ZC3H12B: variants seen among roughly 807,000 people sequenced by gnomAD.
The protein encoded by ZC3H12B is zinc finger CCCH-type containing 12B.
A neutral mutation model predicts 43.9 loss-of-function variants in ZC3H12B; 7 were observed. The observed-to-expected ratio is 0.16, with a 90% CI of 0.09 to 0.30. ZC3H12B has a LOEUF of 0.30. Ranked by LOEUF, ZC3H12B falls within the 10% of genes least tolerant of loss-of-function variation. The pLI is 1.00. For synonymous variants in ZC3H12B, 222 were observed against 241.7 expected, an observed-to-expected ratio of 0.92 and a Z score of 0.76; for missense variants, 475 against 670.2, an observed-to-expected ratio of 0.71 and a Z score of 3.22.
chrX:65,342,815 G>A, the ZC3H12B span, among the ~76,000 whole-genome samples: 3 of 101,555 alleles, frequency 3.0e-5, no homozygotes, highest in Non-Finnish European at 5.9e-5. Flanking sequence ...CAAAATCAGA[G>A]CTGAATTGCA....
At chrX:65,436,955 G>A (rs1196044788) in intron 3 of ZC3H12B, among the ~76,000 whole-genome samples, 2 of 109,112 alleles carry the variant, frequency 1.8e-5, no homozygotes, top group Non-Finnish European at 3.8e-5. Context: ...TATTATTATT[G>A]TTATTATTAT....
the ZC3H12B span, among the ~76,000 whole-genome samples, chrX:65,300,118 T>C: frequency 4.5e-5 from 5 of 112,077 alleles, no homozygotes; most frequent in African/African-American, 9.7e-5. Flanking sequence ...AGATGAACTT[T>C]GTAACAATTT....
At chrX:65,336,983 A>G in the ZC3H12B span, among the ~76,000 whole-genome samples, 1 of 112,402 alleles carries the variant, frequency 8.9e-6, no homozygotes, top group African/African-American at 3.2e-5. Context: ...CTTTACTGAG[A>G]AGGGGGGCCT....
At chrX:65,337,959 A>C in the ZC3H12B span, among the ~76,000 whole-genome samples, 1 of 111,878 alleles carries the variant, frequency 8.9e-6, no homozygotes, top group African/African-American at 3.3e-5. Flanking sequence ...CAGATGAATC[A>C]GTCTTGTTTT....
At chrX:65,384,286 G>T (rs1479968934) in intron 2 of ZC3H12B, among the ~76,000 whole-genome samples, 2 of 107,421 alleles carry the variant, frequency 1.9e-5, no homozygotes, top group African/African-American at 3.4e-5. Flanking sequence ...ACCAAACACC[G>T]CATATTCTCA....
intron 3 of ZC3H12B, among the ~76,000 whole-genome samples, chrX:65,450,878 C>CATATGTGTATATATGTATATATAT (rs1569413339): frequency 2.6e-4 from 21 of 82,012 alleles, no homozygotes; most frequent in Non-Finnish European, 4.0e-4. Context: ...TATATATATA[C>CATATGTGTATATATGTATATATAT]ATATGTGTAT....
chrX:65,385,311 C>G (rs1219713150), intron 2 of ZC3H12B, among the ~76,000 whole-genome samples: 3 of 111,539 alleles, frequency 2.7e-5, no homozygotes, highest in Non-Finnish European at 5.6e-5. Flanking sequence ...TGTTTGTGTC[C>G]TCTTTTATTT....
chrX:65,305,326 C>T, the ZC3H12B span, among the ~76,000 whole-genome samples: 2 of 110,123 alleles, frequency 1.8e-5, no homozygotes, highest in East Asian at 5.6e-4. Flanking sequence ...CAATCTGCAA[C>T]ATTTAAAAAA....
chrX:65,378,686 TCTGAGGTAC>T (rs1181057943), intron 2 of ZC3H12B, among the ~76,000 whole-genome samples: 5 of 112,201 alleles, frequency 4.5e-5, no homozygotes, highest in African/African-American at 1.6e-4. Context: ...TGCATCTCCA[TCTGAGGTAC>T]CAGGTTCATC....
the ZC3H12B span, among the ~76,000 whole-genome samples, chrX:65,347,289 C>T: frequency 9.0e-6 from 1 of 111,387 alleles, no homozygotes; most frequent in Non-Finnish European, 1.9e-5. Context: ...CCGAAGGTCA[C>T]CAACATCAGA....
the ZC3H12B span, among the ~76,000 whole-genome samples, chrX:65,124,820 T>A: frequency 4.5e-5 from 5 of 111,276 alleles, no homozygotes; most frequent in African/African-American, 1.3e-4. Context: ...TTCTGTTGTA[T>A]CAGTTTTAAT....
the ZC3H12B span, among the ~76,000 whole-genome samples, chrX:65,167,224 G>C: frequency 1.8e-5 from 2 of 111,746 alleles, no homozygotes; most frequent in East Asian, 5.6e-4. Context: ...TTTGTATAAG[G>C]TGTAAGGAAG....
At chrX:65,164,645 C>T in the ZC3H12B span, among the ~76,000 whole-genome samples, 2 of 111,729 alleles carry the variant, frequency 1.8e-5, no homozygotes, top group Non-Finnish European at 3.8e-5. Context: ...GAGCAAGGAC[C>T]GCTTATAAGG....
the ZC3H12B span, among the ~76,000 whole-genome samples, chrX:65,055,883 T>A: frequency 2.7e-5 from 3 of 112,193 alleles, no homozygotes; most frequent in East Asian, 8.3e-4. Flanking sequence ...ATAGAGGTGT[T>A]CATAGTATTC....
At chrX:65,284,310 C>G in the ZC3H12B span, among the ~76,000 whole-genome samples, 2 of 102,712 alleles carry the variant, frequency 1.9e-5, no homozygotes, top group African/African-American at 3.6e-5. Flanking sequence ...AGAAATGTAA[C>G]AATTCTCCAG....
chrX:65,060,233 G>T, the ZC3H12B span, among the ~76,000 whole-genome samples: 3 of 112,051 alleles, frequency 2.7e-5, no homozygotes, highest in Non-Finnish European at 5.6e-5. Context: ...TTCCAGCTAG[G>T]AATTTCAGTA....
chrX:65,223,781 T>C, the ZC3H12B span, among the ~76,000 whole-genome samples: 1 of 112,019 alleles, frequency 8.9e-6, no homozygotes, highest in South Asian at 3.7e-4. Context: ...ACCATCCTAT[T>C]CCTTCAAGAT....
chrX:65,125,962 T>C, the ZC3H12B span, among the ~76,000 whole-genome samples: 1 of 110,779 alleles, frequency 9.0e-6, no homozygotes, highest in Admixed American at 9.6e-5. Context: ...TTAGGCCGTT[T>C]ACTTTCAAAG....
At chrX:65,383,448 C>T (rs368387269) in intron 2 of ZC3H12B, among the ~76,000 whole-genome samples, 5 of 111,376 alleles carry the variant, frequency 4.5e-5, no homozygotes, top group Admixed American at 9.6e-5. Context: ...ATACAAAAAT[C>T]AATTCAAGAT....
Sources: gnomAD v4.1 joint callset for allele counts (sites outside exome capture counted in the v4.1 genomes callset) on GRCh38, gnomAD v4.1.1 for gene constraint, MANE v1.5 for transcripts, NCBI Gene and HGNC (gene_info 2026-07-23, HGNC 2026-07-21) for gene names.